Variants in ABLIM1 observed in about 807,000 individuals in gnomAD.
ABLIM1 encodes actin binding LIM protein 1.
Under a neutral mutation model 107.0 loss-of-function variants are expected in ABLIM1, and 40 were observed. The ratio of observed to expected loss-of-function variants is 0.37; its 90% CI spans 0.29 to 0.49. The LOEUF is 0.49. Ranked by LOEUF, ABLIM1 falls within the 20% of genes least tolerant of loss-of-function variation. The pLI is 0.97. For missense variants in ABLIM1, 857 were observed against 1,008.5 expected, an observed-to-expected ratio of 0.85 and a Z score of 2.04; for synonymous variants, 357 against 357.3, an observed-to-expected ratio of 1.00 and a Z score of 0.01.
At chr10:114,624,255 G>C (rs946367362) in intron 1 of ABLIM1, among the ~76,000 whole-genome samples, 17 of 152,120 alleles carry the variant, frequency 1.1e-4, no homozygotes, top group Non-Finnish European at 2.2e-4. Flanking sequence ...TCAGCACTTT[G>C]ACTTTGGCAT....
chr10:114,565,938 G>GCGCC (rs2070671627), intron 4 of ABLIM1, among the ~76,000 whole-genome samples: 1 of 151,706 alleles, frequency 6.6e-6, no homozygotes, highest in African/African-American at 2.4e-5. Context: ...GGGACTATAG[G>GCGCC]CGCCCGCCAC....
intron 4 of ABLIM1, among the ~76,000 whole-genome samples, chr10:114,568,122 G>A (rs998002680): frequency 6.7e-6 from 1 of 148,636 alleles, no homozygotes; most frequent in East Asian, 2.0e-4. Flanking sequence ...CCCGGGAAGC[G>A]GAGCTTGCAG....
chr10:114,512,900 G>T (rs1463700042), intron 6 of ABLIM1, among the ~76,000 whole-genome samples: 1 of 147,942 alleles, frequency 6.8e-6, no homozygotes, highest in Non-Finnish European at 1.5e-5. Flanking sequence ...AGGAAGGAAG[G>T]AAGGAAGGAA....
intron 1 of ABLIM1, among the ~76,000 whole-genome samples, chr10:114,757,377 T>A (rs1210333139): frequency 6.6e-6 from 1 of 152,132 alleles, no homozygotes; most frequent in East Asian, 1.9e-4. Flanking sequence ...AACTGTAAAA[T>A]AGGAATAATA....
At chr10:114,669,229 C>T (rs964811611) in intron 1 of ABLIM1, among the ~76,000 whole-genome samples, 3 of 151,452 alleles carry the variant, frequency 2.0e-5, no homozygotes, top group Middle Eastern at 3.4e-3. Context: ...AAGACAGGTA[C>T]ATTTTATTGA....
At chr10:114,517,631 C>A (rs2063078478) in intron 6 of ABLIM1, among the ~76,000 whole-genome samples, 1 of 152,132 alleles carries the variant, frequency 6.6e-6, no homozygotes, top group Non-Finnish European at 1.5e-5. Flanking sequence ...GGCCACAGTA[C>A]AATGTGGGTC....
At chr10:114,798,505 G>A in the ABLIM1 span, among the ~76,000 whole-genome samples, 1 of 151,432 alleles carries the variant, frequency 6.6e-6, no homozygotes, top group Non-Finnish European at 1.5e-5. Flanking sequence ...GCTGAGGCAG[G>A]AGGATTGCTT....
chr10:114,606,724 C>T (rs555243091), intron 1 of ABLIM1, among the ~76,000 whole-genome samples: 10 of 152,200 alleles, frequency 6.6e-5, no homozygotes, highest in Non-Finnish European at 1.2e-4. Flanking sequence ...TCTCATTTCA[C>T]TCTCACAGGA....
chr10:114,747,587 G>A (rs1429582670), intron 1 of ABLIM1, among the ~76,000 whole-genome samples: 5 of 152,200 alleles, frequency 3.3e-5, no homozygotes, highest in Non-Finnish European at 7.3e-5. Flanking sequence ...TGTCGAAAAT[G>A]GATTTGATAG....
chr10:114,560,043 T>C (rs941884106), intron 4 of ABLIM1, among the ~76,000 whole-genome samples: 2 of 152,174 alleles, frequency 1.3e-5, no homozygotes, highest in African/African-American at 4.8e-5. Context: ...CCATAAACAT[T>C]AGTGGGCACC....
At chr10:114,628,687 G>T (rs970766266) in intron 1 of ABLIM1, among the ~76,000 whole-genome samples, 9 of 152,160 alleles carry the variant, frequency 5.9e-5, no homozygotes, top group African/African-American at 2.2e-4. Context: ...AGTTTGTCTT[G>T]TGACTAAATT....
intron 2 of ABLIM1, among the ~76,000 whole-genome samples, chr10:114,596,564 C>T (rs557238711): frequency 2.6e-5 from 4 of 152,152 alleles, no homozygotes; most frequent in Admixed American, 1.3e-4. Context: ...CATGAACCAT[C>T]AGATCCCACA....
At chr10:114,622,371 C>T (rs1313240618) in intron 1 of ABLIM1, among the ~76,000 whole-genome samples, 1 of 151,476 alleles carries the variant, frequency 6.6e-6, no homozygotes. Flanking sequence ...ACTGCAGCCT[C>T]TTAAGTAGCT....
intron 1 of ABLIM1, chr10:114,632,105 C>A (rs1024925183): frequency 1.0e-6 from 1 of 985,224 alleles, no homozygotes; most frequent in Non-Finnish European, 1.2e-6. Flanking sequence ...GCTCCCATGC[C>A]CGCCCCGCTA....
At chr10:114,526,758 G>C (rs1217227425) in intron 6 of ABLIM1, 1 of 985,380 alleles carries the variant, frequency 1.0e-6, no homozygotes, top group African/African-American at 1.7e-5. Context: ...AAGAGGCTTT[G>C]TAGATGCCAG....
At chr10:114,782,880 G>C in the ABLIM1 span, among the ~76,000 whole-genome samples, 2 of 152,104 alleles carry the variant, frequency 1.3e-5, no homozygotes, top group Non-Finnish European at 2.9e-5. Flanking sequence ...ATGAGGCTGA[G>C]GAATAGGGAA....
chr10:114,801,116 A>G, the ABLIM1 span, among the ~76,000 whole-genome samples: 1 of 152,148 alleles, frequency 6.6e-6, no homozygotes, highest in Admixed American at 6.5e-5. Context: ...AAAAGGAAAT[A>G]TCATTTAGAA....
At chr10:114,613,677 C>T (rs545659296) in intron 1 of ABLIM1, 2 of 1,326,478 alleles carry the variant, frequency 1.5e-6, no homozygotes, top group African/African-American at 1.5e-5. Context: ...CCAGTGTCTG[C>T]ACACCCACTG....
At chr10:114,674,467 T>C (rs1453242052) in intron 1 of ABLIM1, among the ~76,000 whole-genome samples, 1 of 152,170 alleles carries the variant, frequency 6.6e-6, no homozygotes, top group Admixed American at 6.6e-5. Flanking sequence ...TAGTGAGACA[T>C]AAGTTCTGCA....
Sources: gnomAD v4.1 joint callset for allele counts (sites outside exome capture counted in the v4.1 genomes callset) on GRCh38, gnomAD v4.1.1 for gene constraint, MANE v1.5 for transcripts, NCBI Gene and HGNC (gene_info 2026-07-23, HGNC 2026-07-21) for gene names.